Variants in PRMT3 observed in about 807,000 individuals in gnomAD.
PRMT3 encodes protein arginine methyltransferase 3, also known as protein arginine N-methyltransferase 3.
In PRMT3, 62 loss-of-function variants were observed where a neutral mutation model predicts 71.9. The ratio of observed to expected loss-of-function variants is 0.86; its 90% CI spans 0.70 to 1.07. The LOEUF (loss-of-function observed/expected upper bound fraction) is 1.07, where lower values mean the gene tolerates loss of function less well. Ranked by LOEUF, PRMT3 falls within the 50% of genes least tolerant of loss-of-function variation. PRMT3 has a pLI of 0.00. For missense variants in PRMT3, 663 were observed against 643.0 expected, an observed-to-expected ratio of 1.03 and a Z score of -0.34; for synonymous variants, 213 against 220.4, an observed-to-expected ratio of 0.97 and a Z score of 0.30.
intron 15 of PRMT3, among the ~76,000 whole-genome samples, chr11:20,498,954 A>T (rs1851396507): frequency 6.6e-6 from 1 of 152,224 alleles, no homozygotes; most frequent in African/African-American, 2.4e-5. Context: ...AGGAAACAAA[A>T]TGTCACCAAA....
intron 5 of PRMT3, chr11:20,393,713 A>C (rs1168863338): frequency 6.6e-6 from 1 of 152,160 alleles, no homozygotes; most frequent in Non-Finnish European, 1.5e-5. Context: ...TCAAATCTCT[A>C]AGTTTAATCT....
At chr11:20,444,330 C>T (rs1487909464) in intron 10 of PRMT3, among the ~76,000 whole-genome samples, 2 of 152,078 alleles carry the variant, frequency 1.3e-5, no homozygotes, top group African/African-American at 2.4e-5. Flanking sequence ...TACTATGTAC[C>T]TGGCACTCTT....
intron 15 of PRMT3, among the ~76,000 whole-genome samples, chr11:20,505,540 G>T (rs1258059913): frequency 6.6e-6 from 1 of 152,102 alleles, no homozygotes; most frequent in African/African-American, 2.4e-5. Context: ...AACCAAGTTG[G>T]CAATTACTAT....
chr11:20,452,263 G>T, intron 11 of PRMT3, 55 bp downstream of exon 11: 1 of 1,370,250 alleles, frequency 7.3e-7, no homozygotes, highest in South Asian at 1.2e-5. Context: ...AGAACCAGAT[G>T]AACCTTTGGA....
intron 11 of PRMT3, among the ~76,000 whole-genome samples, chr11:20,457,524 A>G (rs1352487680): frequency 1.3e-5 from 2 of 152,244 alleles, no homozygotes; most frequent in African/African-American, 2.4e-5. Context: ...TGAAGATTAT[A>G]ATCCAACTTT....
chr11:20,388,276 A>C (rs903422553), intron 2 of PRMT3, 122 bp downstream of exon 2: 1 of 1,417,026 alleles, frequency 7.1e-7, no homozygotes, highest in African/African-American at 1.4e-5. Flanking sequence ...TTCTGGAACC[A>C]CTGGTCTGGG....
chr11:20,391,434 G>C (rs2133294862), intron 3 of PRMT3, among the ~76,000 whole-genome samples: 1 of 152,072 alleles, frequency 6.6e-6, no homozygotes, highest in Non-Finnish European at 1.5e-5. Context: ...GGAGAGACAG[G>C]GTTTCTCCAT....
At chr11:20,499,671 CACAA>C (rs1478422876) in intron 15 of PRMT3, among the ~76,000 whole-genome samples, 1 of 151,954 alleles carries the variant, frequency 6.6e-6, no homozygotes, top group East Asian at 1.9e-4. Context: ...GGGAAAAGGA[CACAA>C]ACAGGTGAAC....
In PRMT3 at chr11:20,400,620, T is replaced by C. The variant is rs748938224; in HGVS notation, c.706-2299T>C. ...GCATTCTCTTTATTGTATCTGCACC[T>C]GTCTCATGCACTTGGTCCACCTTTA... is the stretch of plus-strand genomic sequence containing the variant. On this transcript the variant is annotated intron_variant, in intron 7 of 15. Transcript: ENST00000331079. Among the ~76,000 whole-genome samples the C allele has an allele frequency of 2.9e-4, 44 of 152,322 alleles. 1 individual carries two copies. The Middle Eastern group carries it at 0.01, about 35-fold the overall frequency.
rs138401682 is a variant in PRMT3, at chr11:20,498,622, C to T, written c.1486+4368C>T. 9.1e-3 allele frequency among the ~76,000 whole-genome samples: 1,390 copies of T among 152,068 alleles called. 14 individuals are homozygous for T. The highest frequency in any genetic ancestry group is 0.024 in the Middle Eastern group (7 of 294). ...GCACGCACCTGTAATCCCGGCTATT[C>T]GGGAGGCCGAGGCACAAGAATTGTT... On this transcript the variant is annotated intron_variant, in intron 15 of 15. Transcript: ENST00000331079.
intron 13 of PRMT3, among the ~76,000 whole-genome samples, chr11:20,491,507 T>C (rs1172037734): frequency 6.6e-6 from 1 of 152,210 alleles, no homozygotes; most frequent in Non-Finnish European, 1.5e-5. Flanking sequence ...AGACCATAAG[T>C]TCTGTCTTAG....
At chr11:20,497,123 C>A (rs769459586) in intron 15 of PRMT3, among the ~76,000 whole-genome samples, 10 of 152,026 alleles carry the variant, frequency 6.6e-5, no homozygotes, top group Non-Finnish European at 1.5e-4. Context: ...ATGTTTTAAT[C>A]GTGAGGGAGA....
chr11:20,396,651 G>C (rs188689305), intron 6 of PRMT3, among the ~76,000 whole-genome samples: 4 of 151,964 alleles, frequency 2.6e-5, no homozygotes, highest in Non-Finnish European at 4.4e-5. Flanking sequence ...GGGGTCGGTG[G>C]GGGGGAATCA....
chr11:20,505,995 C>T lies in PRMT3; in HGVS notation c.1487-2309C>T, dbSNP rs185127043. Among the ~76,000 whole-genome samples the T allele has an allele frequency of 1.6e-3, 243 of 152,140 alleles. 1 individual carries two copies. The highest frequency in any genetic ancestry group is 2.8e-3 in the Non-Finnish European group (192 of 67,992). ...GAAGCACCAGAGTATAGTTGAGGAA[C>T]TTGGGTTCTGGAATCAAACTGCCTT... On this transcript the variant is annotated intron_variant, in intron 15 of 15. Coordinates refer to ENST00000331079, the MANE Select transcript of PRMT3 (RefSeq NM_005788.4).
chr11:20,392,837 A>G, intron 4 of PRMT3, 60 bp from the exon 5 acceptor site: 1 of 1,095,948 alleles, frequency 9.1e-7, no homozygotes, highest in South Asian at 1.4e-5. Context: ...TGTAGTTTTT[A>G]CTAAGGGGAT....
chr11:20,427,923 T>G (rs1849582480), intron 10 of PRMT3, among the ~76,000 whole-genome samples: 1 of 152,258 alleles, frequency 6.6e-6, no homozygotes, highest in African/African-American at 2.4e-5. Flanking sequence ...TTATAATTTT[T>G]TATAAATTTT....
chr11:20,483,867 A>G (rs1430066721), intron 13 of PRMT3, among the ~76,000 whole-genome samples: 2 of 152,154 alleles, frequency 1.3e-5, no homozygotes, highest in African/African-American at 4.8e-5. Flanking sequence ...TTCTAATACC[A>G]TATGTATTGT....
chr11:20,502,333 T>C (rs1468668286), intron 15 of PRMT3, among the ~76,000 whole-genome samples: 1 of 152,250 alleles, frequency 6.6e-6, no homozygotes, highest in Non-Finnish European at 1.5e-5. Context: ...GTGTGAATTA[T>C]GTATTTATTA....
In PRMT3 at chr11:20,449,215, T is replaced by C. The variant is rs76633715; in HGVS notation, c.994-2915T>C. Among the ~76,000 whole-genome samples, 491 of 152,306 alleles carry C rather than the reference T, an allele frequency of 3.2e-3. 1 individual carries two copies. The highest frequency in any genetic ancestry group is 0.011 in the African/African-American group (458 of 41,584). On this transcript the variant is annotated intron_variant, in intron 10 of 15. Coordinates refer to ENST00000331079, the MANE Select transcript of PRMT3 (RefSeq NM_005788.4). ...TCTCATGAATGTCTTATTAGTTCTA[T>C]ATATATGCTAGTATTTGCATTGATT...
Sources: gnomAD v4.1 joint callset for allele counts (sites outside exome capture counted in the v4.1 genomes callset) on GRCh38, gnomAD v4.1.1 for gene constraint, MANE v1.5 for transcripts, NCBI Gene and HGNC (gene_info 2026-07-23, HGNC 2026-07-21) for gene names.